The following CALN1 variants were observed in gnomAD, a reference collection of about 807,000 sequenced individuals.
The protein encoded by CALN1 is calcium-binding protein 8.
CALN1 carries 17 observed loss-of-function variants against 30.6 expected under a neutral mutation model. The ratio of observed to expected loss-of-function variants is 0.56; its 90% CI spans 0.38 to 0.83. The LOEUF (loss-of-function observed/expected upper bound fraction) is 0.83. Among genes scored for constraint, CALN1 ranks in the 40% least tolerant of loss-of-function variants. The pLI, the probability that CALN1 is intolerant of heterozygous loss-of-function variation, is 0.00. For synonymous variants in CALN1, 156 were observed against 131.4 expected (o/e 1.19, Z -1.28); for missense variants, 291 against 354.9 (o/e 0.82, Z 1.45).
chr7:72,193,318 T>C (rs1009152273), intron 3 of CALN1, among the ~76,000 whole-genome samples: 5 of 152,082 alleles, frequency 3.3e-5, no homozygotes, highest in Non-Finnish European at 1.5e-5. Flanking sequence ...TGAGCCATGA[T>C]TGTACCACTG....
chr7:72,300,207 G>C (rs1799159242), intron 2 of CALN1, among the ~76,000 whole-genome samples: 1 of 152,084 alleles, frequency 6.6e-6, no homozygotes. Flanking sequence ...TAACATACTG[G>C]TGAGAATGTA....
chr7:72,093,141 C>T (rs1265939451), intron 4 of CALN1, among the ~76,000 whole-genome samples: 3 of 152,192 alleles, frequency 2.0e-5, no homozygotes, highest in Admixed American at 1.3e-4. Flanking sequence ...CTTCCTCTCA[C>T]ATACTAGTTA....
At chr7:72,222,369 G>A (rs1297553275) in intron 3 of CALN1, among the ~76,000 whole-genome samples, 1 of 152,198 alleles carries the variant, frequency 6.6e-6, no homozygotes, top group East Asian at 1.9e-4. Context: ...CATGGCAGAA[G>A]GCAAGGGGGA....
chr7:72,210,307 G>T (rs538497889), intron 3 of CALN1, among the ~76,000 whole-genome samples: 33 of 152,146 alleles, frequency 2.2e-4, no homozygotes, highest in Admixed American at 1.3e-4. Flanking sequence ...CCTCGGGAGT[G>T]TTGGTGAATG....
At chr7:72,261,427 CTTTT>C (rs34736636) in intron 3 of CALN1, among the ~76,000 whole-genome samples, 1 of 149,082 alleles carries the variant, frequency 6.7e-6, no homozygotes, top group Non-Finnish European at 1.5e-5. Context: ...ATTTCAGAAG[CTTTT>C]TTTTTTTCTT....
At chr7:71,942,762 G>T (rs957623377) in intron 5 of CALN1, among the ~76,000 whole-genome samples, 1 of 152,104 alleles carries the variant, frequency 6.6e-6, no homozygotes, top group African/African-American at 2.4e-5. Flanking sequence ...TAGTACGAAA[G>T]GAAAATATCT....
intron 2 of CALN1, among the ~76,000 whole-genome samples, chr7:72,314,121 C>T (rs1345640784): frequency 2.0e-5 from 3 of 152,066 alleles, no homozygotes; most frequent in African/African-American, 7.2e-5. Context: ...AGTGAGGTGT[C>T]GGTCGACTGA....
intron 3 of CALN1, among the ~76,000 whole-genome samples, chr7:72,252,608 C>CA (rs71069044): frequency 0.23 from 31,725 of 137,268 alleles, 5,759 homozygotes; most frequent in East Asian, 0.49. Flanking sequence ...GACCCTGTCT[C>CA]AAAAAAAAAA....
chr7:72,284,764 A>G (rs1386674777), intron 2 of CALN1, among the ~76,000 whole-genome samples: 1 of 152,156 alleles, frequency 6.6e-6, no homozygotes, highest in Non-Finnish European at 1.5e-5. Flanking sequence ...CAGAGTCTGT[A>G]ACTGCATGAG....
intron 2 of CALN1, among the ~76,000 whole-genome samples, chr7:72,317,916 T>C (rs1230509030): frequency 2.0e-5 from 3 of 152,118 alleles, no homozygotes; most frequent in African/African-American, 7.2e-5. Context: ...AAAAAGAATG[T>C]CAAACCACCC....
intron 2 of CALN1, among the ~76,000 whole-genome samples, chr7:72,285,238 T>TTTTTG (rs933241126): frequency 6.6e-6 from 1 of 152,068 alleles, no homozygotes; most frequent in Admixed American, 6.6e-5. Flanking sequence ...TTCTTACTGG[T>TTTTTG]TTTTGTTTTG....
At chr7:72,454,326 G>A in the CALN1 span, among the ~76,000 whole-genome samples, 1 of 152,170 alleles carries the variant, frequency 6.6e-6, no homozygotes, top group South Asian at 2.1e-4. Flanking sequence ...GACCATCAGG[G>A]GTGATGAGAC....
intron 5 of CALN1, among the ~76,000 whole-genome samples, chr7:72,015,272 C>T (rs1800311025): frequency 6.6e-6 from 1 of 152,174 alleles, no homozygotes. Flanking sequence ...CATTAAAATC[C>T]TGTAACTAAG....
chr7:71,907,787 C>T (rs1419492181), intron 5 of CALN1, among the ~76,000 whole-genome samples: 4 of 152,208 alleles, frequency 2.6e-5, no homozygotes, highest in African/African-American at 9.7e-5. Context: ...ATTCCCATTA[C>T]GCAGCTGGTA....
chr7:72,141,686 A>T (rs1563092734), intron 3 of CALN1, among the ~76,000 whole-genome samples: 1 of 152,084 alleles, frequency 6.6e-6, no homozygotes, highest in Non-Finnish European at 1.5e-5. Context: ...CTCCTGCTTC[A>T]GCCTCCTGAG....
At chr7:72,028,185 T>C (rs1223919031) in intron 4 of CALN1, among the ~76,000 whole-genome samples, 2 of 151,470 alleles carry the variant, frequency 1.3e-5, no homozygotes, top group East Asian at 3.9e-4. Flanking sequence ...GTTTACGAGA[T>C]GTGGCAAAAC....
intron 2 of CALN1, among the ~76,000 whole-genome samples, chr7:72,390,832 G>A (rs1459358330): frequency 6.6e-6 from 1 of 152,126 alleles, no homozygotes; most frequent in Non-Finnish European, 1.5e-5. Context: ...GTTCTGTTTA[G>A]TATTTTTGAT....
At position 71,809,087 on chromosome 7, in the gene CALN1, G is replaced by A. The variant is rs552549521; in HGVS notation, c.658+1249C>T. Among the ~76,000 whole-genome samples the A allele has an allele frequency of 8.5e-5, 13 of 152,224 alleles. 1 individual carries two copies. Among genetic ancestry groups the A allele is most frequent in the South Asian group, 8.3e-4 (4 of 4,814 alleles). ...ACCACAGCTGGGTTTTGTTTGATGC[G>A]CATGGCAGTTTTGCAGTGTTTAAAT... On this transcript the variant is annotated intron_variant, in intron 6 of 6. Transcript: ENST00000395275.
intron 5 of CALN1, among the ~76,000 whole-genome samples, chr7:71,924,848 A>G (rs1439363008): frequency 6.6e-6 from 1 of 152,202 alleles, no homozygotes; most frequent in Non-Finnish European, 1.5e-5. Context: ...ATGTCTTAAA[A>G]CTATTAATTG....
Sources: allele counts gnomAD v4.1 joint callset (sites outside exome capture counted in the v4.1 genomes callset), GRCh38; gene constraint gnomAD v4.1.1; transcripts MANE v1.5; gene names NCBI Gene and HGNC (gene_info 2026-07-23, HGNC 2026-07-21).